SLC26A8: variants seen among roughly 807,000 people sequenced by gnomAD.
The protein encoded by SLC26A8 is testis anion transporter 1.
SLC26A8 carries 70 observed loss-of-function variants against 105.0 expected under a neutral mutation model. The observed-to-expected ratio is 0.67, with a 90% CI of 0.55 to 0.81. The LOEUF is 0.81. Ranked by LOEUF, SLC26A8 falls within the 40% of genes least tolerant of loss-of-function variation. The pLI is 0.00. For synonymous variants in SLC26A8, 415 were observed against 438.3 expected (o/e 0.95, Z 0.66); for missense variants, 998 against 1,181.8 (o/e 0.84, Z 2.28).
intron 1 of SLC26A8, among the ~76,000 whole-genome samples, chr6:36,023,356 C>T (rs1348421093): frequency 6.6e-6 from 1 of 151,974 alleles, no homozygotes; most frequent in African/African-American, 2.4e-5. Flanking sequence ...CAAGACCAGC[C>T]TGGCCAACAT....
intron 16 of SLC26A8, 38 bp from the exon 17 acceptor site, chr6:35,955,558 A>AC (rs754207056): frequency 3.7e-6 from 6 of 1,600,582 alleles, no homozygotes; most frequent in Admixed American, 3.4e-5. Flanking sequence ...GTGGTAAGAC[A>AC]CCAACAAGGG....
chr6:36,019,484 C>T (rs374671519), intron 2 of SLC26A8, 36 bp downstream of exon 2: 22 of 1,594,830 alleles, frequency 1.4e-5, no homozygotes, highest in Admixed American at 5.1e-5. Flanking sequence ...CAGTCCTGCC[C>T]GGCTCGGCAG....
rs78493555 is a variant in SLC26A8, at chr6:35,981,995, T to A, written c.1025+126A>T. ...GCCCTTCTCCTTTCATGAACCTCTG[T>A]GTTCAAAAATGAATTTTGCTTTGGC... On this transcript the variant is annotated intron_variant, in intron 8 of 19. Transcript: ENST00000490799. This position sits in a 1 kb window ranked among gnomAD's most constrained non-coding sequence, Gnocchi z 4.0. 0.045 allele frequency: 39,440 copies of A among 879,798 alleles called. 1,039 individuals are homozygous for A. Among genetic ancestry groups the A allele is most frequent in the Middle Eastern group, 0.095 (309 of 3,240 alleles). 54.5% of individuals were successfully genotyped at this position (879,798 alleles called of 1,614,324 possible).
chr6:35,998,093 A>G (rs1761408179), intron 4 of SLC26A8, among the ~76,000 whole-genome samples, 174 bp from the exon 5 acceptor site: 1 of 152,214 alleles, frequency 6.6e-6, no homozygotes. Flanking sequence ...GTCTCCACAT[A>G]TTGTGACCAA....
At chr6:35,993,569 T>C (rs1324184308) in intron 5 of SLC26A8, among the ~76,000 whole-genome samples, 1 of 152,184 alleles carries the variant, frequency 6.6e-6, no homozygotes, top group Non-Finnish European at 1.5e-5. Context: ...GTAAAATTTA[T>C]GTTATATAGT....
At chr6:35,969,078 A>C (rs967112900) in intron 10 of SLC26A8, 124 bp from the exon 11 acceptor site, 1 of 766,848 alleles carries the variant, frequency 1.3e-6, no homozygotes, top group Non-Finnish European at 2.2e-6. Context: ...GTTCAGTCCA[A>C]GTGTATTTTT....
rs57884642 is a variant in SLC26A8, at chr6:35,978,085, CA to C, written c.1026-735del. Among the ~76,000 whole-genome samples the C allele has an allele frequency of 3.5e-3, 338 of 95,654 alleles. 1 individual carries two copies. Among genetic ancestry groups the C allele is most frequent in the African/African-American group, 8.2e-3 (235 of 28,666 alleles). 62.8% of individuals were successfully genotyped at this position (95,654 alleles called of 152,430 possible). Reference sequence around the variant, plus strand: ...TGGGTGATAGAGTGAGACTCAGTCTCAAAAAAAAAAAAAAATTCAATATACT... The same window carrying C: ...TGGGTGATAGAGTGAGACTCAGTCTCAAAAAAAAAAAAAATTCAATATACT... On this transcript the variant is annotated intron_variant, in intron 8 of 19. Coordinates refer to ENST00000490799, the MANE Select transcript of SLC26A8 (RefSeq NM_052961.4).
At chr6:35,986,246 C>T (rs1365188836) in intron 7 of SLC26A8, among the ~76,000 whole-genome samples, 3 of 152,034 alleles carry the variant, frequency 2.0e-5, no homozygotes, top group African/African-American at 7.2e-5. Context: ...GTTGGCCAGG[C>T]TGGTATCGAA....
At chr6:36,018,557 A>T (rs1392929147) in intron 2 of SLC26A8, among the ~76,000 whole-genome samples, 1 of 152,218 alleles carries the variant, frequency 6.6e-6, no homozygotes, top group East Asian at 1.9e-4. Context: ...GTTTGAGGTG[A>T]TGAAAAAGTT....
At chr6:35,953,363 T>G (rs1562017637) in intron 17 of SLC26A8, among the ~76,000 whole-genome samples, 1 of 150,756 alleles carries the variant, frequency 6.6e-6, no homozygotes, top group Admixed American at 6.6e-5. Flanking sequence ...AGAGAAAGTA[T>G]GATATAAAGT....
chr6:35,984,880 C>T (rs185717426), intron 7 of SLC26A8, among the ~76,000 whole-genome samples: 27 of 152,272 alleles, frequency 1.8e-4, no homozygotes, highest in Middle Eastern at 3.4e-3. Context: ...GTCAGACATA[C>T]GTCATTATAT....
intron 5 of SLC26A8, among the ~76,000 whole-genome samples, chr6:35,994,869 G>T (rs1581678028): frequency 6.6e-6 from 1 of 152,202 alleles, no homozygotes; most frequent in Non-Finnish European, 1.5e-5. Context: ...GAGCCACTGT[G>T]GCTGGCCTGC....
chr6:35,978,796 C>G (rs940260993), intron 8 of SLC26A8, among the ~76,000 whole-genome samples: 1 of 151,340 alleles, frequency 6.6e-6, no homozygotes, highest in African/African-American at 2.4e-5. Flanking sequence ...TCATTTTCTT[C>G]ACCATCCAAC....
chr6:35,975,134 T>G (rs1772953428), intron 10 of SLC26A8, among the ~76,000 whole-genome samples: 1 of 152,140 alleles, frequency 6.6e-6, no homozygotes, highest in Non-Finnish European at 1.5e-5. Context: ...TACGGAAACC[T>G]CTCACATATT....
intron 8 of SLC26A8, among the ~76,000 whole-genome samples, chr6:35,979,007 ATTTTTTTTTTTTTTTTT>A (rs34335766): frequency 1.0e-5 from 1 of 98,306 alleles, no homozygotes; most frequent in Non-Finnish European, 2.0e-5. Flanking sequence ...CACCTGGCTA[ATTTTTTTTTTTTTTTTT>A]TTTTTTTTTT....
intron 11 of SLC26A8, among the ~76,000 whole-genome samples, chr6:35,968,609 G>GTATATATATA (rs55987809): frequency 2.2e-4 from 13 of 60,076 alleles, no homozygotes; most frequent in African/African-American, 4.1e-4. Flanking sequence ...GTGTGTGTGT[G>GTATATATATA]TATATATATA....
At chr6:36,000,193 A>C (rs1562061609) in intron 3 of SLC26A8, 85 bp from the exon 4 acceptor site, 7 of 891,010 alleles carry the variant, frequency 7.9e-6, no homozygotes, top group Non-Finnish European at 1.1e-5. Flanking sequence ...TTAAAATAAA[A>C]ATCATCCATG....
intron 8 of SLC26A8, among the ~76,000 whole-genome samples, chr6:35,980,061 C>T (rs948026338): frequency 3.9e-5 from 6 of 152,334 alleles, no homozygotes; most frequent in Admixed American, 2.0e-4. Context: ...CAACCTCCAA[C>T]TCCCGGGTTC....
chr6:36,005,120 T>C (rs1422077016), intron 3 of SLC26A8, among the ~76,000 whole-genome samples: 1 of 152,150 alleles, frequency 6.6e-6, no homozygotes, highest in Non-Finnish European at 1.5e-5. Context: ...CATAGTGAAA[T>C]AGAGGGAATT....
Sources: allele counts gnomAD v4.1 joint callset (sites outside exome capture counted in the v4.1 genomes callset), GRCh38; gene constraint gnomAD v4.1.1; non-coding constraint Gnocchi (gnomAD v3.1); transcripts MANE v1.5; gene names NCBI Gene and HGNC (gene_info 2026-07-23, HGNC 2026-07-21).